The following IL1RAPL1 variants were observed in gnomAD, a reference collection of about 807,000 sequenced individuals.
IL1RAPL1 encodes interleukin 1 receptor accessory protein like 1.
Under a neutral mutation model 48.4 loss-of-function variants are expected in IL1RAPL1, and 3 were observed. That is an observed-to-expected ratio of 0.06 (90% CI 0.03 to 0.16). The LOEUF (loss-of-function observed/expected upper bound fraction) is 0.16, where lower values mean the gene tolerates loss of function less well. Ranked by LOEUF, IL1RAPL1 falls within the 10% of genes least tolerant of loss-of-function variation. IL1RAPL1 has a pLI of 1.00. For missense variants in IL1RAPL1, 349 were observed against 530.6 expected, an observed-to-expected ratio of 0.66 and a Z score of 3.36; for synonymous variants, 185 against 187.7, an observed-to-expected ratio of 0.99 and a Z score of 0.12.
chrX:29,695,813 C>T (rs1008197492), intron 6 of IL1RAPL1, among the ~76,000 whole-genome samples: 5 of 110,767 alleles, frequency 4.5e-5, no homozygotes, highest in African/African-American at 1.3e-4. Context: ...AATGGGGTAC[C>T]GAGAGCAGCA....
intron 3 of IL1RAPL1, among the ~76,000 whole-genome samples, chrX:29,340,681 C>T (rs974476384): frequency 4.5e-5 from 5 of 111,709 alleles, no homozygotes; most frequent in Non-Finnish European, 7.5e-5. Flanking sequence ...GCTGGTTCAG[C>T]CTGCAAGTAC....
chrX:29,879,357 A>ATATGTG (rs1555929711), intron 6 of IL1RAPL1, among the ~76,000 whole-genome samples: 1 of 83,981 alleles, frequency 1.2e-5, no homozygotes, highest in Admixed American at 1.3e-4. Flanking sequence ...AGTTTTATAT[A>ATATGTG]TGTGTGTGTG....
chrX:29,764,369 A>G (rs1025679257), intron 6 of IL1RAPL1, among the ~76,000 whole-genome samples: 1 of 112,058 alleles, frequency 8.9e-6, no homozygotes, highest in African/African-American at 3.2e-5. Flanking sequence ...TGGACACCCA[A>G]GCAGTTTTAA....
rs548620521 is a variant in IL1RAPL1, at chrX:29,612,450, G to C, written c.704-55980G>C. Reference sequence around the variant, plus strand: ...AGGATATTAGAACTACAATGAAAGAGCACAGGAGAAAGGATAACTGTCTTT... The same window carrying C: ...AGGATATTAGAACTACAATGAAAGACCACAGGAGAAAGGATAACTGTCTTT... On this transcript the variant is annotated intron_variant, in intron 5 of 10. Transcript: ENST00000378993. Among the ~76,000 whole-genome samples, 27 of 110,129 alleles carry C rather than the reference G, an allele frequency of 2.5e-4. No individual in the cohort carries two copies. The South Asian group carries it at 0.011, about 43-fold the overall frequency.
intron 6 of IL1RAPL1, among the ~76,000 whole-genome samples, chrX:29,873,884 C>T (rs902213188): frequency 6.3e-5 from 7 of 111,766 alleles, no homozygotes; most frequent in East Asian, 2.8e-4. Context: ...ATAAATATTA[C>T]GAGGTTATCT....
chrX:29,362,489 T>C (rs1263072016), intron 3 of IL1RAPL1, among the ~76,000 whole-genome samples: 3 of 112,246 alleles, frequency 2.7e-5, no homozygotes, highest in Middle Eastern at 4.6e-3. Flanking sequence ...TGTGTGCTCA[T>C]TGGCCTTCTT....
chrX:29,192,126 T>TC (rs1004247601), intron 2 of IL1RAPL1, among the ~76,000 whole-genome samples: 28 of 111,180 alleles, frequency 2.5e-4, no homozygotes, highest in African/African-American at 9.2e-4. Context: ...GGGAAAGTAT[T>TC]CCCCACCCCT....
intron 2 of IL1RAPL1, among the ~76,000 whole-genome samples, chrX:29,191,902 A>T (rs1048579448): frequency 1.3e-4 from 15 of 111,526 alleles, no homozygotes; most frequent in African/African-American, 4.9e-4. Flanking sequence ...AGGGTCTAAG[A>T]TGCGACTACC....
rs754257773 is a variant in IL1RAPL1, at chrX:29,283,225, T to C, written c.362+8T>C. 8.3e-7 allele frequency: 1 copy of C among 1,204,656 alleles called. No homozygotes were observed. The highest frequency in any genetic ancestry group is 1.1e-6 in the Non-Finnish European group (1 of 889,035). On this transcript the variant is annotated splice_region_variant and intron_variant, in intron 3 of 10. Coordinates refer to ENST00000378993, the MANE Select transcript of IL1RAPL1 (RefSeq NM_014271.4). ...CTACGCCTGTGTCATCAGGTATCCC[T>C]TTAATTCTATTACTGCTGAATCAAA...
At chrX:29,027,651 A>G (rs1195962033) in intron 2 of IL1RAPL1, among the ~76,000 whole-genome samples, 4 of 111,491 alleles carry the variant, frequency 3.6e-5, no homozygotes, top group Non-Finnish European at 7.5e-5. Context: ...TTGTATTCCC[A>G]CCAGCAATTA....
Position 29,227,888 on chromosome X carries a change from A to G in IL1RAPL1, c.83-55050A>G, listed in dbSNP as rs149893298. The stretch of plus-strand genomic sequence containing the variant: ...ATGATTACATTGTTTAATGGGTACT[A>G]TAGAGATCGTCAGCATCCCCATTTT... On this transcript the variant is annotated intron_variant, in intron 2 of 10. Transcript: ENST00000378993. Among the ~76,000 whole-genome samples, 1,093 of 111,223 alleles carry G rather than the reference A, an allele frequency of 9.8e-3. 19 individuals are homozygous for G. Among genetic ancestry groups the G allele is most frequent in the African/African-American group, 0.034 (1,045 of 30,583 alleles).
intron 2 of IL1RAPL1, among the ~76,000 whole-genome samples, chrX:29,041,872 A>C (rs1926854232): frequency 8.9e-6 from 1 of 111,931 alleles, no homozygotes; most frequent in Non-Finnish European, 1.9e-5. Flanking sequence ...AGATAATAAT[A>C]TCCTCCTTAT....
intron 9 of IL1RAPL1, among the ~76,000 whole-genome samples, chrX:29,942,169 C>T (rs1933141375): frequency 9.0e-6 from 1 of 111,286 alleles, no homozygotes; most frequent in South Asian, 3.8e-4. Context: ...GTTTTCTAGC[C>T]CAGTAGTTTG....
chrX:29,711,091 G>C (rs200817661), intron 6 of IL1RAPL1, among the ~76,000 whole-genome samples: 21 of 16,935 alleles, frequency 1.2e-3, no homozygotes, highest in Non-Finnish European at 1.9e-3. Flanking sequence ...CACACACACA[G>C]ATATATATTT....
intron 2 of IL1RAPL1, among the ~76,000 whole-genome samples, chrX:28,894,989 G>A (rs1444864366): frequency 1.8e-5 from 2 of 110,883 alleles, no homozygotes; most frequent in South Asian, 3.9e-4. Context: ...GAAGCTTTGC[G>A]GCAGTACAGC....
chrX:29,080,760 T>TG (rs1340534769), intron 2 of IL1RAPL1, among the ~76,000 whole-genome samples: 3 of 105,950 alleles, frequency 2.8e-5, no homozygotes, highest in Non-Finnish European at 1.9e-5. Flanking sequence ...TTTTTTTTTT[T>TG]GACACAGTAT....
rs1179651180 is a variant in IL1RAPL1, at chrX:29,056,576, CTTCTT to C, written c.83-226355_83-226351del. On this transcript the variant is annotated intron_variant, in intron 2 of 10. Transcript: ENST00000378993. ...CACAATATTACTTCCACCAAATTTT[CTTCTT>C]TTCTTTGTGAACTGTTATTCATTTT... is the stretch of plus-strand genomic sequence containing the variant. Among the ~76,000 whole-genome samples, 5 of 111,977 alleles carry C rather than the reference CTTCTT, an allele frequency of 4.5e-5. No homozygotes were observed. In the East Asian group the frequency reaches 1.4e-3, roughly 31 times the overall value.
chrX:29,769,721 A>C (rs762111846), intron 6 of IL1RAPL1, among the ~76,000 whole-genome samples: 1 of 103,174 alleles, frequency 9.7e-6, no homozygotes, highest in Non-Finnish European at 2.0e-5. Flanking sequence ...GGTTCAACCA[A>C]TTCTCCTTCC....
intron 6 of IL1RAPL1, among the ~76,000 whole-genome samples, chrX:29,713,141 TA>T (rs1294638881): frequency 1.8e-5 from 2 of 111,841 alleles, no homozygotes; most frequent in Non-Finnish European, 3.8e-5. Context: ...TACAAGGTGT[TA>T]AAAAATTATA....
Sources: allele counts gnomAD v4.1 joint callset (sites outside exome capture counted in the v4.1 genomes callset), GRCh38; gene constraint gnomAD v4.1.1; transcripts MANE v1.5; gene names NCBI Gene and HGNC (gene_info 2026-07-23, HGNC 2026-07-21).